The following PLRG1 variants were observed in gnomAD, a reference collection of about 807,000 sequenced individuals.
PLRG1 encodes pleiotropic regulator 1.
PLRG1 carries 28 observed loss-of-function variants against 74.9 expected under a neutral mutation model. The observed-to-expected ratio is 0.37, with a 90% CI of 0.28 to 0.51. The LOEUF (loss-of-function observed/expected upper bound fraction) is 0.51, where lower values mean the gene tolerates loss of function less well. Among genes scored for constraint, PLRG1 ranks in the 20% least tolerant of loss-of-function variants. The probability of loss-of-function intolerance (pLI) is 0.91; values close to 1 mark genes in which losing one functional copy is unlikely to be tolerated. For missense variants in PLRG1, 445 were observed against 631.9 expected, an observed-to-expected ratio of 0.70 and a Z score of 3.17; for synonymous variants, 197 against 212.4, an observed-to-expected ratio of 0.93 and a Z score of 0.63.
chr4:154,541,098 GA>G (rs1018380401), intron 8 of PLRG1, among the ~76,000 whole-genome samples, 164 bp from the exon 9 acceptor site: 1 of 151,788 alleles, frequency 6.6e-6, no homozygotes, highest in Non-Finnish European at 1.5e-5. Context: ...ATAAAAGCAA[GA>G]AAAAAACTGG....
rs1230369118 is a variant in PLRG1 at position 154,550,295 on chromosome 4, T to C, written c.9+5A>G. 5.0e-6 allele frequency: 8 copies of C among 1,613,398 alleles called. No homozygotes were observed. Among genetic ancestry groups the C allele is most frequent in the Non-Finnish European group, 5.1e-6 (6 of 1,179,402 alleles). On this transcript the variant is annotated splice_donor_5th_base_variant and intron_variant, in intron 1 of 14. Coordinates refer to ENST00000499023, the MANE Select transcript of PLRG1 (RefSeq NM_002669.4). Reference sequence around the variant, plus strand: ...CGACTCTTGAGAGCCCCAGTGTCACTTTACCTCGACCATGATGCTACCGTG... The same window carrying C: ...CGACTCTTGAGAGCCCCAGTGTCACCTTACCTCGACCATGATGCTACCGTG...
In PLRG1 at chr4:154,547,738, C is replaced by T; in HGVS notation, c.232G>A (p.Val78Ile). The T allele has an allele frequency of 6.2e-7, 1 of 1,613,142 alleles. No homozygotes were observed. The highest frequency in any genetic ancestry group is 8.5e-7 in the Non-Finnish European group (1 of 1,179,216). ...KGPQNATDSYVHKQYPANQGQ... is the reference protein window; with the variant it reads ...KGPQNATDSYIHKQYPANQGQ... ...TGATTGGCAGGGTACTGTTTATGAACATATGAATCCGTTGCATTCTGAGGA... is the reference window on the plus strand; with the variant it reads ...TGATTGGCAGGGTACTGTTTATGAATATATGAATCCGTTGCATTCTGAGGA... Residue 78 changes from valine (V) to isoleucine (I), a missense_variant, in exon 3 of 15, where the codon GTT becomes ATT. By Grantham distance (29) the Val-to-Ile change is conservative. Coordinates refer to ENST00000499023, the MANE Select transcript of PLRG1 (RefSeq NM_002669.4).
rs370079192 is a variant in PLRG1 at position 154,546,134 on chromosome 4, A to T, written c.393T>A (p.Pro131=). Residue 131 remains proline (P), a synonymous_variant, in exon 5 of 15, where the codon CCT becomes CCA. Coordinates refer to ENST00000499023, the MANE Select transcript of PLRG1 (RefSeq NM_002669.4). ...ATAATATTTCATACTTGGTCTGCAA[A>T]GGTAATGCCACCGCTAAGGACTGTG... is the stretch of plus-strand genomic sequence containing the variant. ...SAAQSLAVAL[P]LQTKADANRT... is the part of the protein sequence containing the mutation. 1.3e-5 allele frequency: 21 copies of T among 1,579,408 alleles called. No individual in the cohort carries two copies. The African/African-American group carries it at 2.6e-4, about 19-fold the overall frequency.
intron 14 of PLRG1, 23 bp from the exon 15 acceptor site, chr4:154,536,767 A>T: frequency 1.5e-6 from 2 of 1,317,642 alleles, no homozygotes; most frequent in Non-Finnish European, 2.1e-6. Context: ...AAGTGAGTTA[A>T]AATAAAGTAT....
Position 154,547,347 on chromosome 4 carries a change from T to C in PLRG1, c.260-283A>G, listed in dbSNP as rs80134154. ...CAAGCAAATGGTTTCCTGTGGAATC[T>C]TGAATTCTCTTTACTTATTAAGATT... On this transcript the variant is annotated intron_variant, in intron 3 of 14. Transcript: ENST00000499023. The C allele has an allele frequency of 1.1e-5, 6 of 529,018 alleles. 1 individual carries two copies. Among genetic ancestry groups the C allele is most frequent in the South Asian group, 7.1e-5 (3 of 41,978 alleles). 32.8% of individuals were successfully genotyped at this position (529,018 alleles called of 1,614,324 possible).
Position 154,545,922 on chromosome 4 carries a change from C to A in PLRG1, c.406G>T (p.Ala136Ser), listed in dbSNP as rs199518302. 1.3e-6 allele frequency: 2 copies of A among 1,597,478 alleles called. No individual in the cohort carries two copies. The highest frequency in any genetic ancestry group is 1.7e-4 in the Middle Eastern group (1 of 6,010). The stretch of plus-strand genomic sequence containing the variant: ...CTAGGGGCAGTACGATTTGCATCAG[C>A]CCTGGGGCAAAAGAAATAATATTTT... Reference protein sequence around the residue: ...LAVALPLQTKADANRTAPSGS... With the variant: ...LAVALPLQTKSDANRTAPSGS... The change falls in exon 6 of 15, where the codon GCT (alanine) becomes TCT (serine). Residue 136 changes from alanine (A) to serine (S), a missense_variant and splice_region_variant. This residue lies in a region of PLRG1 where 206 missense variants were observed against 210.8 expected (regional missense o/e 0.98). Transcript: ENST00000499023.
At chr4:154,547,481 C>T (rs1398172881) in intron 3 of PLRG1, 2 of 560,806 alleles carry the variant, frequency 3.6e-6, no homozygotes, top group Non-Finnish European at 6.2e-6. Flanking sequence ...ACCTTCTCCA[C>T]ACTCTAAGAA....
At chr4:154,537,867 T>C (rs188689579) in intron 13 of PLRG1, 102 bp downstream of exon 13, 95 of 670,646 alleles carry the variant, frequency 1.4e-4, no homozygotes, top group Admixed American at 9.9e-4. Flanking sequence ...AGTGCTGCTA[T>C]AATACTTAAG....
rs777923527 is a variant in PLRG1 at position 154,539,111 on chromosome 4, G to C, written c.1145C>G (p.Pro382Arg). ...ATTAGGAAAATACACTTACTGTCTT[G>C]GATGTAAAACCACAGCCCTAACTGA... is the stretch of plus-strand genomic sequence containing the variant. ...KKSVRAVVLH[P>R]RHYTFASGSP... The change falls in exon 12 of 15, where the codon CCA (proline) becomes CGA (arginine). Residue 382 changes from proline to arginine, a missense_variant. Transcript: ENST00000499023. 6 of 1,554,296 alleles carry C rather than the reference G, an allele frequency of 3.9e-6. No individual in the cohort carries two copies. In the South Asian group the frequency reaches 6.7e-5, roughly 17 times the overall value.
chr4:154,538,631 G>A (rs1022959792), intron 12 of PLRG1, among the ~76,000 whole-genome samples: 1 of 151,968 alleles, frequency 6.6e-6, no homozygotes, highest in South Asian at 2.1e-4. Context: ...CCAGAAAAGT[G>A]TCAGAGTGAT....
At chr4:154,538,216 T>TTATA in intron 12 of PLRG1, 108 bp from the exon 13 acceptor site, 1 of 482,026 alleles carries the variant, frequency 2.1e-6, no homozygotes, top group Non-Finnish European at 3.7e-6. Flanking sequence ...ACTCAATGAT[T>TTATA]TATATATTCA....
At chr4:154,547,256 T>G (rs1295048841) in intron 3 of PLRG1, among the ~76,000 whole-genome samples, 192 bp from the exon 4 acceptor site, 2 of 152,208 alleles carry the variant, frequency 1.3e-5, no homozygotes, top group Non-Finnish European at 2.9e-5. Flanking sequence ...CTTGACCATT[T>G]GCTATATAGC....
chr4:154,549,115 G>T, intron 1 of PLRG1, 180 bp from the exon 2 acceptor site: 1 of 593,854 alleles, frequency 1.7e-6, no homozygotes, highest in Non-Finnish European at 3.1e-6. Flanking sequence ...CTCCTCTTTG[G>T]CTAGAACCTC....
At position 154,540,602 on chromosome 4, in the gene PLRG1, T is replaced by C. The variant is rs1344175156; in HGVS notation, c.931A>G (p.Thr311Ala). Residue 311 changes from threonine to alanine, a missense_variant, in exon 10 of 15, where the codon ACT (threonine) becomes GCT (alanine). By Grantham distance (58) the Thr-to-Ala change is moderately conservative (BLOSUM62 0). Coordinates refer to ENST00000499023, the MANE Select transcript of PLRG1 (RefSeq NM_002669.4). Reference sequence around the variant, plus strand: ...AACTCTATCCCATTTACCCGTGCAGTTGAATCTCGACTACAGGTTACCAAC... The same window carrying C: ...AACTCTATCCCATTTACCCGTGCAGCTGAATCTCGACTACAGGTTACCAAC... ...DVLVTCSRDS[T>A]ARIWDVRTKA... The C allele has an allele frequency of 1.2e-6, 2 of 1,606,936 alleles. No homozygotes were observed. The highest frequency in any genetic ancestry group is 2.2e-5 in the East Asian group (1 of 44,882).
intron 8 of PLRG1, chr4:154,541,883 T>C (rs892582895): frequency 1.3e-5 from 4 of 318,098 alleles, no homozygotes; most frequent in Non-Finnish European, 2.4e-5. Flanking sequence ...TAATTCTCTA[T>C]ATTTTCCACA....
At position 154,539,971 on chromosome 4, in the gene PLRG1, G is replaced by T; in HGVS notation, c.1022C>A (p.Ala341Glu). The T allele has an allele frequency of 6.4e-7, 1 of 1,571,890 alleles. No individual in the cohort carries two copies. ...NAVATVRCQA[A>E]EPQIITGSHD... Reference sequence around the variant, plus strand: ...CATACCTGTAATAATTTGTGGTTCTGCAGCCTGACATCTCACTGTAGCAAC... The same window carrying T: ...CATACCTGTAATAATTTGTGGTTCTTCAGCCTGACATCTCACTGTAGCAAC... Residue 341 changes from alanine (A) to glutamate (E), a missense_variant, in exon 11 of 15, where the codon GCA becomes GAA. Ala to Glu is a moderately radical substitution (Grantham distance 107, BLOSUM62 -1). Coordinates refer to ENST00000499023, the MANE Select transcript of PLRG1 (RefSeq NM_002669.4).
chr4:154,547,774 T>C lies in PLRG1; in HGVS notation c.196A>G (p.Lys66Glu). 6.2e-7 allele frequency: 1 copy of C among 1,613,060 alleles called. No homozygotes were observed. The highest frequency in any genetic ancestry group is 8.5e-7 in the Non-Finnish European group (1 of 1,179,076). The change falls in exon 3 of 15, where the codon AAA becomes GAA. Residue 66 changes from lysine to glutamate, a missense_variant. Around this residue, in one of 3 missense-constraint regions of PLRG1, gnomAD observed 206 missense variants for 210.8 expected, o/e 0.98. Transcript: ENST00000499023. ...GTTGCATTCTGAGGACCCTTCTCTT[T>C]AAGATTTTCTTTTGAAGTAGGCATA... ...LHMPTSKENL[K>E]EKGPQNATDS...
chr4:154,542,144 AC>A (rs936492027), intron 8 of PLRG1, 42 bp downstream of exon 8: 1 of 1,199,690 alleles, frequency 8.3e-7, no homozygotes, highest in African/African-American at 1.5e-5. Context: ...AACTTACATG[AC>A]AAACACAAAG....
Position 154,539,233 on chromosome 4 carries a change from A to T in PLRG1, c.1043-20T>A. On this transcript the variant is annotated intron_variant, in intron 11 of 14. Coordinates refer to ENST00000499023, the MANE Select transcript of PLRG1 (RefSeq NM_002669.4). The stretch of plus-strand genomic sequence containing the variant: ...GGCTTCCTGTAATGGAAACACATAT[A>T]TCCCTCAAAACATAGACCAGGAAAA... 1 of 1,349,792 alleles carries T rather than the reference A, an allele frequency of 7.4e-7. No homozygotes were observed. Among genetic ancestry groups the T allele is most frequent in the Non-Finnish European group, 1.1e-6 (1 of 939,078 alleles). 83.6% of individuals were successfully genotyped at this position (1,349,792 alleles called of 1,614,324 possible).
Sources: gnomAD v4.1 joint callset for allele counts (sites outside exome capture counted in the v4.1 genomes callset) on GRCh38, gnomAD v4.1.1 for gene constraint, gnomAD v4.1.1 regional missense constraint, MANE v1.5 for transcripts, NCBI Gene and HGNC (gene_info 2026-07-23, HGNC 2026-07-21) for gene names.